The following SLC35A3 variants were observed in gnomAD, a reference collection of about 807,000 sequenced individuals.
The protein encoded by SLC35A3 is UDP-N-acetylglucosamine transporter.
In SLC35A3, 26 loss-of-function variants were observed where a neutral mutation model predicts 39.0. That is an observed-to-expected ratio of 0.67 (90% CI 0.49 to 0.92). SLC35A3 has a LOEUF of 0.92. SLC35A3 is among the 40% of genes least tolerant of loss of function. The pLI is 0.00. For synonymous variants in SLC35A3, 135 were observed against 133.1 expected (o/e 1.01, Z -0.10); for missense variants, 299 against 371.6 (o/e 0.80, Z 1.61).
At chr1:99,977,542 CAGAA>C (rs1047985095) in intron 1 of SLC35A3, among the ~76,000 whole-genome samples, 3 of 119,910 alleles carry the variant, frequency 2.5e-5, no homozygotes, top group Admixed American at 1.2e-4. Context: ...AATTCCATCT[CAGAA>C]GGAAGGAGGA....
intron 7 of SLC35A3, among the ~76,000 whole-genome samples, chr1:100,019,508 A>G (rs1255883628): frequency 6.6e-6 from 1 of 152,204 alleles, no homozygotes; most frequent in Non-Finnish European, 1.5e-5. Context: ...ATCTTTATGC[A>G]TCTTACCTTT....
Position 100,024,622 on chromosome 1 carries a change from C to CT in SLC35A3, c.*2161dup, listed in dbSNP as rs1333681581. The CT allele has an allele frequency of 0.042, 10,707 of 253,830 alleles. 1 individual carries two copies. The highest frequency in any genetic ancestry group is 0.066 in the Middle Eastern group (56 of 854). The allele number at this position is 253,830 out of a possible 1,614,324, so 15.7% of individuals were successfully genotyped here. On this transcript the variant is annotated 3_prime_UTR_variant, in exon 8 of 8. Transcript: ENST00000533028. ...TATGAATGAAAAAAATAAAATACTT[C>CT]TTTTTTTTTTTTTTTGAGACAGAGT...
Position 99,970,418 on chromosome 1 carries a change from CGAG to C in SLC35A3, c.-19+260_-19+262del, listed in dbSNP as rs1557814389. ...ACTGGGTGGAGGAGGAAAAAAGGCC[CGAG>C]GAGAGGGGTGTGTCAAGCGAATGAA... is the stretch of plus-strand genomic sequence containing the variant. On this transcript the variant is annotated intron_variant, in intron 1 of 7. Transcript: ENST00000533028. 4.5e-6 allele frequency: 3 copies of C among 667,292 alleles called. No homozygotes were observed. The African/African-American group carries it at 5.4e-5, about 12-fold the overall frequency. 41.3% of individuals were successfully genotyped at this position (667,292 alleles called of 1,614,324 possible).
Position 100,027,321 on chromosome 1 carries a change from A to G in SLC35A3, c.*4845A>G, listed in dbSNP as rs1660965880. 1 of 392,942 alleles carries G rather than the reference A, an allele frequency of 2.5e-6. No individual in the cohort carries two copies. Among genetic ancestry groups the G allele is most frequent in the African/African-American group, 2.1e-5 (1 of 48,516 alleles). 24.3% of individuals were successfully genotyped at this position (392,942 alleles called of 1,614,324 possible). On this transcript the variant is annotated 3_prime_UTR_variant, in exon 8 of 8. Transcript: ENST00000533028. ...AAATAAAATTAGCCAATATGTGGGCATGCACCTGTGGGGCCAGCTACTCAG... is the reference window on the plus strand; with the variant it reads ...AAATAAAATTAGCCAATATGTGGGCGTGCACCTGTGGGGCCAGCTACTCAG...
chr1:99,978,651 A>G (rs1196547774), intron 1 of SLC35A3, among the ~76,000 whole-genome samples: 1 of 152,226 alleles, frequency 6.6e-6, no homozygotes. Context: ...TTTCTATGGA[A>G]ATGTTACGGT....
intron 1 of SLC35A3, among the ~76,000 whole-genome samples, chr1:99,991,303 C>T (rs1658065241): frequency 6.6e-6 from 1 of 152,144 alleles, no homozygotes; most frequent in African/African-American, 2.4e-5. Context: ...CGCCACCATG[C>T]CCGGCTAATT....
chr1:100,024,836 A>C lies in SLC35A3; in HGVS notation c.*2360A>C, dbSNP rs1298281326. ...CTAATAGATATAAAAACTGTAAAAA[A>C]TAAGTATTTTTATATAGCTCTCATG... On this transcript the variant is annotated 3_prime_UTR_variant, in exon 8 of 8. Coordinates refer to ENST00000533028, the MANE Select transcript of SLC35A3 (RefSeq NM_012243.3). The C allele has an allele frequency of 2.6e-6, 1 of 389,694 alleles. No individual in the cohort carries two copies. Among genetic ancestry groups the C allele is most frequent in the Non-Finnish European group, 4.5e-6 (1 of 221,082 alleles). The allele number at this position is 389,694 out of a possible 1,614,324, so 24.1% of individuals were successfully genotyped here.
At chr1:100,015,216 G>T in intron 5 of SLC35A3, 86 bp from the exon 6 acceptor site, 4 of 1,150,184 alleles carry the variant, frequency 3.5e-6, no homozygotes, top group Non-Finnish European at 4.6e-6. Context: ...AAAGTTAAGT[G>T]TAAAATTATT....
chr1:100,017,398 A>G (rs537336583), intron 6 of SLC35A3, among the ~76,000 whole-genome samples: 3 of 152,230 alleles, frequency 2.0e-5, no homozygotes, highest in Admixed American at 6.5e-5. Context: ...TTTAATTACT[A>G]AATTGGATAA....
chr1:100,005,750 T>G lies in SLC35A3; in HGVS notation c.343-1284T>G, dbSNP rs776226292. On this transcript the variant is annotated intron_variant, in intron 3 of 7. Transcript: ENST00000533028. The stretch of plus-strand genomic sequence containing the variant: ...TCATTTAGATGATGAATTGTTCTCC[T>G]ATTTTGTTTATATTGTCTGCTTGTG... 7.2e-5 allele frequency among the ~76,000 whole-genome samples: 11 copies of G among 152,222 alleles called. 1 individual carries two copies. Among genetic ancestry groups the G allele is most frequent in the Admixed American group, 2.0e-4 (3 of 15,284 alleles).
At chr1:100,006,596 A>G (rs1313081436) in intron 3 of SLC35A3, among the ~76,000 whole-genome samples, 1 of 152,132 alleles carries the variant, frequency 6.6e-6, no homozygotes, top group Non-Finnish European at 1.5e-5. Flanking sequence ...TGGGCAGTAG[A>G]CAGAGCAGGC....
chr1:100,003,485 A>G (rs1658977998), intron 3 of SLC35A3, among the ~76,000 whole-genome samples: 1 of 151,850 alleles, frequency 6.6e-6, no homozygotes, highest in Non-Finnish European at 1.5e-5. Flanking sequence ...CTGAGAAGAT[A>G]CTTGATATGA....
At chr1:100,009,457 G>A (rs1049677599) in intron 4 of SLC35A3, 1 of 152,214 alleles carries the variant, frequency 6.6e-6, no homozygotes, top group Non-Finnish European at 1.5e-5. Flanking sequence ...ATACAGATTG[G>A]TCCTAGATTA....
rs753376657 is a variant in SLC35A3, at chr1:99,999,451, C to G, written c.342+36C>G. 4 of 1,445,534 alleles carry G rather than the reference C, an allele frequency of 2.8e-6. No individual in the cohort carries two copies. The African/African-American group carries it at 5.8e-5, about 21-fold the overall frequency. 89.5% of individuals were successfully genotyped at this position (1,445,534 alleles called of 1,614,324 possible). A position where few individuals can be genotyped will look rare whatever the true frequency, so the allele number is the denominator to read the frequency against. On this transcript the variant is annotated intron_variant, in intron 3 of 7. Coordinates refer to ENST00000533028, the MANE Select transcript of SLC35A3 (RefSeq NM_012243.3). Reference sequence around the variant, plus strand: ...TACATTTCTTTCTTTTTTAAAAAAACTTTTTTCTTATACATAATAATTGTA... The same window carrying G: ...TACATTTCTTTCTTTTTTAAAAAAAGTTTTTTCTTATACATAATAATTGTA...
chr1:100,022,686 AG>A lies in SLC35A3; in HGVS notation c.*212del. On this transcript the variant is annotated 3_prime_UTR_variant, in exon 8 of 8. Transcript: ENST00000533028. ...AAACTTGAAAGTATTTCCAGGGATTAGGATTAGAAGGAATATTAGAGGAAAC... is the reference window on the plus strand; with the variant it reads ...AAACTTGAAAGTATTTCCAGGGATTAGATTAGAAGGAATATTAGAGGAAAC... 2.8e-6 allele frequency: 1 copy of A among 356,760 alleles called. No individual in the cohort carries two copies. The allele number at this position is 356,760 out of a possible 1,614,324, so 22.1% of individuals were successfully genotyped here.
intron 2 of SLC35A3, among the ~76,000 whole-genome samples, chr1:99,998,106 T>C (rs538028256): frequency 6.6e-6 from 1 of 151,936 alleles, no homozygotes; most frequent in South Asian, 2.1e-4. Context: ...GTTGGCAGCC[T>C]GTGCCAGAGC....
Position 100,024,589 on chromosome 1 carries a change from A to ACC in SLC35A3, c.*2115_*2116dup, listed in dbSNP as rs1428488139. The ACC allele has an allele frequency of 1.6e-4, 39 of 238,980 alleles. No homozygotes were observed. The highest frequency in any genetic ancestry group is 6.3e-4 in the Admixed American group (11 of 17,376). The allele number at this position is 238,980 out of a possible 1,614,324, so 14.8% of individuals were successfully genotyped here. ...AGAAAACACACACACACACACACAC[A>ACC]CCCACAGTATGAATGAAAAAAATAA... On this transcript the variant is annotated 3_prime_UTR_variant, in exon 8 of 8. Coordinates refer to ENST00000533028, the MANE Select transcript of SLC35A3 (RefSeq NM_012243.3).
intron 2 of SLC35A3, among the ~76,000 whole-genome samples, chr1:99,996,963 G>T (rs1403275665): frequency 6.6e-6 from 1 of 151,676 alleles, no homozygotes; most frequent in African/African-American, 2.4e-5. Flanking sequence ...TAATTCTAGG[G>T]TTCCTTCGAA....
chr1:99,972,331 C>CTTTT (rs761559206), intron 1 of SLC35A3, among the ~76,000 whole-genome samples: 11 of 132,016 alleles, frequency 8.3e-5, no homozygotes, highest in African/African-American at 2.6e-4. Context: ...GTACTTACTA[C>CTTTT]TTTTTTTTTT....
Sources: gnomAD v4.1 joint callset for allele counts (sites outside exome capture counted in the v4.1 genomes callset) on GRCh38, gnomAD v4.1.1 for gene constraint, MANE v1.5 for transcripts, NCBI Gene and HGNC (gene_info 2026-07-23, HGNC 2026-07-21) for gene names.